The following LRMDA variants were observed in gnomAD, a reference collection of about 807,000 sequenced individuals.
LRMDA encodes the protein leucine-rich melanocyte differentiation-associated protein.
Under a neutral mutation model 29.8 loss-of-function variants are expected in LRMDA, and 18 were observed. The observed-to-expected ratio is 0.60, with a 90% CI of 0.42 to 0.90. LRMDA has a LOEUF of 0.90. Among genes scored for constraint, LRMDA ranks in the 40% least tolerant of loss-of-function variants. LRMDA has a pLI of 0.00. For missense variants in LRMDA, 273 were observed against 273.9 expected (o/e 1.00, Z 0.02); for synonymous variants, 125 against 109.4 (o/e 1.14, Z -0.89).
At chr10:75,671,195 T>C (rs941071515) in intron 2 of LRMDA, among the ~76,000 whole-genome samples, 11 of 152,178 alleles carry the variant, frequency 7.2e-5, no homozygotes, top group African/African-American at 2.2e-4. Flanking sequence ...ATTATGGGAA[T>C]CTTTGAATGT....
At chr10:75,431,858 C>G (rs900847757) in intron 1 of LRMDA, 104 bp downstream of exon 1, 9 of 1,126,516 alleles carry the variant, frequency 8.0e-6, no homozygotes, top group Non-Finnish European at 1.0e-5. Flanking sequence ...GTCCCCGCCT[C>G]AGGGGGCTGC....
intron 2 of LRMDA, among the ~76,000 whole-genome samples, chr10:75,918,471 A>G (rs1441873413): frequency 1.3e-5 from 2 of 152,054 alleles, no homozygotes; most frequent in African/African-American, 4.8e-5. Context: ...AGGAGGTGCC[A>G]CACCCTTTCA....
At chr10:75,572,077 C>T (rs1413765496) in intron 2 of LRMDA, among the ~76,000 whole-genome samples, 1 of 152,120 alleles carries the variant, frequency 6.6e-6, no homozygotes. Context: ...CCTCAGCCTC[C>T]TGAGTAGCTG....
intron 2 of LRMDA, among the ~76,000 whole-genome samples, chr10:75,443,710 G>A (rs560583051): frequency 1.3e-5 from 2 of 152,264 alleles, no homozygotes; most frequent in Admixed American, 6.5e-5. Flanking sequence ...TGTTAAGTAC[G>A]TTTGAAAGTG....
chr10:76,217,022 T>A (rs1457807749), intron 5 of LRMDA, among the ~76,000 whole-genome samples: 1 of 152,256 alleles, frequency 6.6e-6, no homozygotes, highest in East Asian at 1.9e-4. Context: ...AAAATTAAGA[T>A]AATAGACATA....
In LRMDA at chr10:75,622,014, G is replaced by A. The variant is rs142461332; in HGVS notation, c.131+183520G>A. On this transcript the variant is annotated intron_variant, in intron 2 of 6. Coordinates refer to ENST00000611255, the MANE Select transcript of LRMDA (RefSeq NM_001305581.2). ...TGAAACACATAATCCGGGGGCCTCA[G>A]TATCTTTAAATGCATAAATCAAATA... Among the ~76,000 whole-genome samples, 35 of 152,336 alleles carry A rather than the reference G, an allele frequency of 2.3e-4. No individual in the cohort carries two copies. In the South Asian group the frequency reaches 5.2e-3, roughly 23 times the overall value.
At chr10:75,744,376 T>G (rs2132212882) in intron 2 of LRMDA, among the ~76,000 whole-genome samples, 1 of 152,326 alleles carries the variant, frequency 6.6e-6, no homozygotes. Flanking sequence ...TTTAGAGGGG[T>G]CTAGACATGT....
At chr10:76,142,146 G>A (rs1023288276) in intron 5 of LRMDA, among the ~76,000 whole-genome samples, 1 of 151,932 alleles carries the variant, frequency 6.6e-6, no homozygotes, top group African/African-American at 2.4e-5. Flanking sequence ...TCTGCTTTAA[G>A]ATTTGGCTAT....
chr10:76,397,766 C>G (rs944785393), intron 6 of LRMDA, among the ~76,000 whole-genome samples: 1 of 152,140 alleles, frequency 6.6e-6, no homozygotes, highest in African/African-American at 2.4e-5. Context: ...TGTCGGAGAA[C>G]CGGAGAGAGG....
At chr10:76,231,088 G>A (rs977601442) in intron 5 of LRMDA, among the ~76,000 whole-genome samples, 15 of 151,974 alleles carry the variant, frequency 9.9e-5, no homozygotes, top group Admixed American at 9.2e-4. Flanking sequence ...CTGCCTCCGA[G>A]CAAAGGCATG....
At chr10:76,269,204 A>G in intron 5 of LRMDA, among the ~76,000 whole-genome samples, 1 of 152,096 alleles carries the variant, frequency 6.6e-6, no homozygotes. Context: ...GCTGCAGGTT[A>G]TTATGCCAGC....
At position 76,058,564 on chromosome 10, in the gene LRMDA, A is replaced by C. The variant is rs1038318376; in HGVS notation, c.399-102A>C. ...GAGGCGCAGCCAAGGTCTAAGTTCC[A>C]GAAGACCGGATGGTGTGGATTCTTG... On this transcript the variant is annotated intron_variant, in intron 4 of 6. Transcript: ENST00000611255. 3 of 951,366 alleles carry C rather than the reference A, an allele frequency of 3.2e-6. 1 individual carries two copies. The African/African-American group carries it at 4.9e-5, about 15-fold the overall frequency. 58.9% of individuals were successfully genotyped at this position (951,366 alleles called of 1,614,324 possible). A position where few individuals can be genotyped will look rare whatever the true frequency, so the allele number is the denominator to read the frequency against.
rs189943069 is a variant in LRMDA at position 76,199,816 on chromosome 10, C to G, written c.517-124585C>G. On this transcript the variant is annotated intron_variant, in intron 5 of 6. Coordinates refer to ENST00000611255, the MANE Select transcript of LRMDA (RefSeq NM_001305581.2). ...TGAGAGAGTTTGTGCATTAGCCCTA[C>G]CCTGCTTTTTCACGTGCTCTGAAGC... Among the ~76,000 whole-genome samples, 311 of 152,242 alleles carry G rather than the reference C, an allele frequency of 2.0e-3. 1 individual carries two copies. Among genetic ancestry groups the G allele is most frequent in the Admixed American group, 3.9e-3 (59 of 15,294 alleles).
intron 6 of LRMDA, among the ~76,000 whole-genome samples, chr10:76,554,231 G>A (rs535712340): frequency 3.3e-5 from 5 of 152,188 alleles, no homozygotes; most frequent in Non-Finnish European, 5.9e-5. Flanking sequence ...CGCAGGCAGC[G>A]TTAGAATATC....
chr10:75,560,916 T>G (rs1840285491), intron 2 of LRMDA, among the ~76,000 whole-genome samples: 1 of 152,008 alleles, frequency 6.6e-6, no homozygotes, highest in African/African-American at 2.4e-5. Flanking sequence ...CTTTTTGATG[T>G]GCTGCTGGAT....
intron 5 of LRMDA, among the ~76,000 whole-genome samples, chr10:76,296,645 A>G (rs966823636): frequency 1.3e-5 from 2 of 152,242 alleles, no homozygotes; most frequent in African/African-American, 4.8e-5. Flanking sequence ...AAGTTTATTA[A>G]AACAGTATAT....
At chr10:76,458,761 G>T (rs747563520) in intron 6 of LRMDA, among the ~76,000 whole-genome samples, 7 of 152,134 alleles carry the variant, frequency 4.6e-5, no homozygotes, top group African/African-American at 1.7e-4. Flanking sequence ...GACACTTCTG[G>T]CTACAGTGCA....
chr10:75,528,614 G>A (rs1455137690), intron 2 of LRMDA, among the ~76,000 whole-genome samples: 1 of 152,158 alleles, frequency 6.6e-6, no homozygotes, highest in East Asian at 1.9e-4. Context: ...ACCTTATTGT[G>A]AAACTCCAGA....
At chr10:75,745,623 A>G (rs1589183849) in intron 2 of LRMDA, among the ~76,000 whole-genome samples, 1 of 152,226 alleles carries the variant, frequency 6.6e-6, no homozygotes, top group East Asian at 1.9e-4. Context: ...TCGCTCTGAC[A>G]CCATTTGTCA....
Sources: allele counts gnomAD v4.1 joint callset (sites outside exome capture counted in the v4.1 genomes callset), GRCh38; gene constraint gnomAD v4.1.1; transcripts MANE v1.5; gene names NCBI Gene and HGNC (gene_info 2026-07-23, HGNC 2026-07-21).